LRRC56: variants seen among roughly 807,000 people sequenced by gnomAD.
The protein encoded by LRRC56 is leucine-rich repeat-containing protein 56.
Under a neutral mutation model 47.8 loss-of-function variants are expected in LRRC56, and 41 were observed. The ratio of observed to expected loss-of-function variants is 0.86; its 90% CI spans 0.67 to 1.11. LRRC56 has a LOEUF of 1.11. Among genes scored for constraint, LRRC56 ranks in the 50% most tolerant of loss-of-function variants. The pLI, the probability that LRRC56 is intolerant of heterozygous loss-of-function variation, is 0.00. For synonymous variants in LRRC56, 387 were observed against 311.2 expected, an observed-to-expected ratio of 1.24 and a Z score of -2.56; for missense variants, 759 against 704.2, an observed-to-expected ratio of 1.08 and a Z score of -0.88.
At position 553,986 on chromosome 11, in the gene LRRC56, C is replaced by G. The variant is rs1420165061; in HGVS notation, c.1339C>G (p.His447Asp). 1 of 1,612,262 alleles carries G rather than the reference C, an allele frequency of 6.2e-7. No individual in the cohort carries two copies. Among genetic ancestry groups the G allele is most frequent in the Admixed American group, 1.7e-5 (1 of 59,980 alleles). ...ASEPSGTSSQHLVPSPPKHPR... is the reference protein window; with the variant it reads ...ASEPSGTSSQDLVPSPPKHPR... Reference sequence around the variant, plus strand: ...AGAGCCCTCCGGGACCTCGAGCCAGCACCTGGTCCCTTCACCTCCCAAGCA... The same window carrying G: ...AGAGCCCTCCGGGACCTCGAGCCAGGACCTGGTCCCTTCACCTCCCAAGCA... The change falls in exon 14 of 14, where the codon CAC (histidine) becomes GAC (aspartate). Residue 447 changes from histidine to aspartate, a missense_variant. Transcript: ENST00000270115.
chr11:530,506 TGTGGCGTCCCCTGGAGAGAAGGGC>T, the LRRC56 span, among the ~76,000 whole-genome samples: 2 of 97,138 alleles, frequency 2.1e-5, no homozygotes, highest in South Asian at 7.7e-4. Context: ...GAAGGGCGAG[TGTGGCGTCCCCTGGAGAGAAGGGC>T]GAGTGTGGCG....
chr11:545,169 C>T (rs553661383), intron 6 of LRRC56, among the ~76,000 whole-genome samples: 9 of 152,316 alleles, frequency 5.9e-5, no homozygotes, highest in Middle Eastern at 3.4e-3. Flanking sequence ...GGTGGGAGCC[C>T]CTGCTGCAGG....
rs1852365506 is a variant in LRRC56 at position 551,201 on chromosome 11, T to A, written c.695T>A (p.Val232Glu). 3 of 1,546,158 alleles carry A rather than the reference T, an allele frequency of 1.9e-6. No individual in the cohort carries two copies. The South Asian group carries it at 3.6e-5, about 18-fold the overall frequency. ...LIPQLQVLDE[V>E]PAAHTGPPAP... The stretch of plus-strand genomic sequence containing the variant: ...CCCCAGCTGCAGGTCCTGGACGAAG[T>A]GCCGGCCGCACACACAGGCCCACCG... Residue 232 changes from valine (V) to glutamate (E), a missense_variant, in exon 9 of 14, where the codon GTG becomes GAG. Transcript: ENST00000270115.
chr11:535,144 G>C (rs1249667580), upstream of LRRC56: 1 of 152,050 alleles, frequency 6.6e-6, no homozygotes, highest in Non-Finnish European at 1.5e-5. Flanking sequence ...AGGCTCCCGG[G>C]TACGCCGGCG....
chr11:554,438 C>G lies in LRRC56; in HGVS notation c.*162C>G. 6.8e-6 allele frequency: 4 copies of G among 587,958 alleles called. No individual in the cohort carries two copies. Among genetic ancestry groups the G allele is most frequent in the Non-Finnish European group, 1.1e-5 (4 of 380,774 alleles). 36.4% of individuals were successfully genotyped at this position (587,958 alleles called of 1,614,324 possible). ...GAGGGGAGTGGGGGACTGGGACCAGCCAGGGAGGCAGCAGAGGCTGGAACC... is the reference window on the plus strand; with the variant it reads ...GAGGGGAGTGGGGGACTGGGACCAGGCAGGGAGGCAGCAGAGGCTGGAACC... On this transcript the variant is annotated 3_prime_UTR_variant, in exon 14 of 14. Coordinates refer to ENST00000270115, the MANE Select transcript of LRRC56 (RefSeq NM_198075.4).
chr11:518,815 G>A, the LRRC56 span, among the ~76,000 whole-genome samples: 84 of 152,070 alleles, frequency 5.5e-4, no homozygotes, highest in African/African-American at 1.8e-3. Context: ...GGATGTGGCC[G>A]GCGGCGCGCG....
intron 6 of LRRC56, among the ~76,000 whole-genome samples, chr11:546,856 G>C (rs921344244): frequency 2.0e-5 from 3 of 151,946 alleles, no homozygotes; most frequent in Non-Finnish European, 4.4e-5. Flanking sequence ...TTCAAGATCC[G>C]CCTGGCTAAC....
the LRRC56 span, among the ~76,000 whole-genome samples, chr11:518,275 G>A: frequency 2.2e-4 from 33 of 151,386 alleles, no homozygotes; most frequent in African/African-American, 8.0e-4. Context: ...TCCGCCTCCC[G>A]GGTTCACGCC....
the LRRC56 span, among the ~76,000 whole-genome samples, chr11:523,315 C>T: frequency 6.6e-6 from 1 of 151,602 alleles, no homozygotes; most frequent in East Asian, 1.9e-4. Flanking sequence ...TGAGCCACCT[C>T]GCCCAGCAAT....
At position 551,888 on chromosome 11, in the gene LRRC56, T is replaced by C; in HGVS notation, c.974-15T>C. ...CTCGGCCCCGAACCAGGCCCAGCCA[T>C]GCTGTCTCTTGCAGGTGCTGGCCAA... is the stretch of plus-strand genomic sequence containing the variant. On this transcript the variant is annotated splice_polypyrimidine_tract_variant and intron_variant, in intron 10 of 13. Coordinates refer to ENST00000270115, the MANE Select transcript of LRRC56 (RefSeq NM_198075.4). 3 of 1,612,420 alleles carry C rather than the reference T, an allele frequency of 1.9e-6. No individual in the cohort carries two copies. The highest frequency in any genetic ancestry group is 1.1e-5 in the South Asian group (1 of 91,064).
In LRRC56 at chr11:551,320, G is replaced by A. The variant is rs563554550; in HGVS notation, c.796+18G>A. 34 of 1,486,230 alleles carry A rather than the reference G, an allele frequency of 2.3e-5. No homozygotes were observed. The Admixed American group carries it at 2.4e-4, about 10-fold the overall frequency. 92.1% of individuals were successfully genotyped at this position (1,486,230 alleles called of 1,614,324 possible). A position where few individuals can be genotyped will look rare whatever the true frequency, so the allele number is the denominator to read the frequency against. On this transcript the variant is annotated intron_variant, in intron 9 of 13. Transcript: ENST00000270115. ...CCCGCTGGGTACGGCAGCTGCGCCC[G>A]GAGGACCCACTGCTGAGCCCCAGCT... is the stretch of plus-strand genomic sequence containing the variant.
chr11:508,243 G>T, the LRRC56 span, among the ~76,000 whole-genome samples: 1 of 152,226 alleles, frequency 6.6e-6, no homozygotes, highest in Non-Finnish European at 1.5e-5. Flanking sequence ...CCAGCTCGCT[G>T]CAGCCTCCAC....
intron 5 of LRRC56, among the ~76,000 whole-genome samples, chr11:543,514 C>T (rs1171386265): frequency 6.6e-6 from 1 of 152,130 alleles, no homozygotes; most frequent in East Asian, 1.9e-4. Context: ...CACGCCAGGC[C>T]CCACAGTGAC....
intron 2 of LRRC56, among the ~76,000 whole-genome samples, chr11:539,294 C>G (rs1181246970): frequency 1.3e-5 from 2 of 151,558 alleles, no homozygotes; most frequent in South Asian, 4.2e-4. Context: ...ACCTCGTTAG[C>G]CAGGATGGTC....
the LRRC56 span, among the ~76,000 whole-genome samples, chr11:518,015 G>T: frequency 2.6e-5 from 4 of 152,062 alleles, no homozygotes; most frequent in Non-Finnish European, 5.9e-5. Context: ...AACTACCCAG[G>T]GACACAAACA....
the LRRC56 span, among the ~76,000 whole-genome samples, chr11:509,460 A>G: frequency 6.6e-6 from 1 of 152,174 alleles, no homozygotes; most frequent in African/African-American, 2.4e-5. Flanking sequence ...AGGTATGTAT[A>G]GGTGCTGAGC....
At chr11:543,991 A>T (rs1006487550) in intron 5 of LRRC56, among the ~76,000 whole-genome samples, 2 of 152,014 alleles carry the variant, frequency 1.3e-5, no homozygotes, top group African/African-American at 2.4e-5. Flanking sequence ...CTAGTGATCC[A>T]CCCACCTCAG....
chr11:521,099 A>G, the LRRC56 span, among the ~76,000 whole-genome samples: 1 of 152,174 alleles, frequency 6.6e-6, no homozygotes, highest in Non-Finnish European at 1.5e-5. Flanking sequence ...ACGCCCTGCC[A>G]GGCCCAATCG....
At chr11:547,446 G>A (rs929901956) in intron 6 of LRRC56, among the ~76,000 whole-genome samples, 12 of 151,590 alleles carry the variant, frequency 7.9e-5, no homozygotes, top group Non-Finnish European at 1.6e-4. Context: ...CTCGCCTCCC[G>A]GGTTCACGCC....
Sources: allele counts gnomAD v4.1 joint callset (sites outside exome capture counted in the v4.1 genomes callset), GRCh38; gene constraint gnomAD v4.1.1; transcripts MANE v1.5; gene names NCBI Gene and HGNC (gene_info 2026-07-23, HGNC 2026-07-21).